Variants in TK2 observed in about 807,000 individuals in gnomAD.
The protein encoded by TK2 is thymidine kinase 2.
Under a neutral mutation model 41.9 loss-of-function variants are expected in TK2, and 35 were observed. The observed-to-expected ratio is 0.84, with a 90% CI of 0.64 to 1.11. The LOEUF (loss-of-function observed/expected upper bound fraction) is 1.11. Ranked by LOEUF, TK2 falls within the 50% of genes least tolerant of loss-of-function variation. TK2 has a pLI of 0.00. For missense variants in TK2, 320 were observed against 351.1 expected (o/e 0.91, Z 0.71); for synonymous variants, 128 against 129.1 (o/e 0.99, Z 0.06).
intron 2 of TK2, 143 bp downstream of exon 2, chr16:66,548,835 G>T: frequency 2.5e-6 from 2 of 801,470 alleles, no homozygotes; most frequent in South Asian, 3.1e-5. Context: ...CTAGGAGGGT[G>T]ACAGACTTCC....
At chr16:66,518,156 C>A in intron 6 of TK2, 1 of 460,794 alleles carries the variant, frequency 2.2e-6, no homozygotes, top group Non-Finnish European at 4.0e-6. Context: ...GAGAAAGGGA[C>A]TTTAAAGCTT....
intron 6 of TK2, among the ~76,000 whole-genome samples, chr16:66,527,664 C>A (rs1964975628): frequency 6.6e-6 from 1 of 152,158 alleles, no homozygotes; most frequent in Non-Finnish European, 1.5e-5. Flanking sequence ...TTTTGTAGGT[C>A]ATAATTGGTT....
rs34931863 is a variant in TK2, at chr16:66,510,210, CAA to C, written c.*1756_*1757del. The C allele has an allele frequency of 7.4e-3, 661 of 89,576 alleles. 2 individuals carry two copies. Among genetic ancestry groups the C allele is most frequent in the Non-Finnish European group, 0.01 (467 of 46,010 alleles). 5.5% of individuals were successfully genotyped at this position (89,576 alleles called of 1,614,324 possible). ...GGACCTCTTGAGATTGTGCCTTAGGCAAAAAAAAAAAAAAAAAAAGAGAGAGA... is the reference window on the plus strand; with the variant it reads ...GGACCTCTTGAGATTGTGCCTTAGGCAAAAAAAAAAAAAAAAAGAGAGAGA... On this transcript the variant is annotated 3_prime_UTR_variant, in exon 10 of 10. Transcript: ENST00000544898.
In TK2 at chr16:66,517,750, A is replaced by C; in HGVS notation, c.538+39T>G. 1.3e-6 allele frequency: 2 copies of C among 1,594,888 alleles called. No individual in the cohort carries two copies. Among genetic ancestry groups the C allele is most frequent in the Non-Finnish European group, 1.7e-6 (2 of 1,162,472 alleles). On this transcript the variant is annotated intron_variant, in intron 7 of 9. Coordinates refer to ENST00000544898, the MANE Select transcript of TK2 (RefSeq NM_004614.5). This position sits in a 1 kb window ranked among gnomAD's most constrained non-coding sequence, Gnocchi z 4.3. ...CAAGCACATCCTCAAGGGACCCAGG[A>C]GAGAGACAAGAGAGGGAGGTGGGAG...
intron 3 of TK2, among the ~76,000 whole-genome samples, chr16:66,540,517 G>A (rs1382281393): frequency 6.6e-6 from 1 of 152,142 alleles, no homozygotes; most frequent in East Asian, 1.9e-4. Context: ...AGGAAGGGAA[G>A]AAGGAAAGAA....
At chr16:66,515,917 G>C (rs1227034273) in intron 8 of TK2, among the ~76,000 whole-genome samples, 1 of 152,196 alleles carries the variant, frequency 6.6e-6, no homozygotes, top group Non-Finnish European at 1.5e-5. Context: ...CCCCAGTCCA[G>C]CCTATCCTGA....
At chr16:66,531,513 G>A (rs1335325074) in intron 4 of TK2, 44 bp from the exon 5 acceptor site, 3 of 1,586,592 alleles carry the variant, frequency 1.9e-6, no homozygotes, top group Non-Finnish European at 2.6e-6. Context: ...AGTGGCATCT[G>A]CAGGAGGACC....
chr16:66,537,656 A>C (rs1382190317), intron 3 of TK2, among the ~76,000 whole-genome samples: 1 of 152,218 alleles, frequency 6.6e-6, no homozygotes, highest in Non-Finnish European at 1.5e-5. Flanking sequence ...TAGAGCCTCC[A>C]TCTGTGGTCT....
Position 66,537,026 on chromosome 16 carries a change from A to G in TK2, c.232-9T>C. 1 of 1,614,114 alleles carries G rather than the reference A, an allele frequency of 6.2e-7. No homozygotes were observed. Among genetic ancestry groups the G allele is most frequent in the Non-Finnish European group, 8.5e-7 (1 of 1,180,002 alleles). On this transcript the variant is annotated splice_polypyrimidine_tract_variant and intron_variant, in intron 3 of 9. Coordinates refer to ENST00000544898, the MANE Select transcript of TK2 (RefSeq NM_004614.5). ...ACAGGCTCCGTTAACACCTGGAAGG[A>G]AAGAAAACATCAGAGCTACTGTTTC...
chr16:66,517,786 C>G lies in TK2; in HGVS notation c.538+3G>C. 2 of 1,613,856 alleles carry G rather than the reference C, an allele frequency of 1.2e-6. No homozygotes were observed. Among genetic ancestry groups the G allele is most frequent in the Non-Finnish European group, 1.7e-6 (2 of 1,179,802 alleles). The stretch of plus-strand genomic sequence containing the variant: ...AGAGGGAGGTGGGAGGGGTGCATCT[C>G]ACCTATCAAATCAACAGACACGTCC... On this transcript the variant is annotated splice_donor_region_variant and intron_variant, in intron 7 of 9. Coordinates refer to ENST00000544898, the MANE Select transcript of TK2 (RefSeq NM_004614.5). This position sits in a 1 kb window ranked among gnomAD's most constrained non-coding sequence, Gnocchi z 4.3.
intron 6 of TK2, among the ~76,000 whole-genome samples, chr16:66,527,977 A>G (rs1964986162): frequency 1.3e-5 from 2 of 151,836 alleles, no homozygotes; most frequent in East Asian, 3.9e-4. Flanking sequence ...GGTTGCAGTG[A>G]GCTGAGATCG....
At chr16:66,512,277 C>T (rs1597072364) in intron 9 of TK2, among the ~76,000 whole-genome samples, 1 of 152,196 alleles carries the variant, frequency 6.6e-6, no homozygotes, top group South Asian at 2.1e-4. Flanking sequence ...GAATGTACTA[C>T]AAGAGCTAGG....
chr16:66,517,814 G>C lies in TK2; in HGVS notation c.513C>G (p.Asn171Lys), dbSNP rs546437597. 6.2e-7 allele frequency: 1 copy of C among 1,614,126 alleles called. No homozygotes were observed. The highest frequency in any genetic ancestry group is 8.5e-7 in the Non-Finnish European group (1 of 1,179,998). ...CTATCAAATCAACAGACACGTCCAT[G>C]TTCCTCAAGATCCAGTCAAACCATT... ...LSEWFDWILR[N>K]MDVSVDLIVY... The change falls in exon 7 of 10, where the codon AAC (asparagine) becomes AAG (lysine). Residue 171 changes from asparagine (N) to lysine (K), a missense_variant. By Grantham distance (94) the Asn-to-Lys change is moderately conservative (BLOSUM62 0). Coordinates refer to ENST00000544898, the MANE Select transcript of TK2 (RefSeq NM_004614.5). This position sits in a 1 kb window ranked among gnomAD's most constrained non-coding sequence, Gnocchi z 4.3.
intron 8 of TK2, among the ~76,000 whole-genome samples, chr16:66,515,543 AGG>A (rs1334076450): frequency 6.6e-6 from 1 of 152,242 alleles, no homozygotes; most frequent in Non-Finnish European, 1.5e-5. Context: ...GCCATCCCAG[AGG>A]CTCGCGTGTC....
At position 66,536,992 on chromosome 16, in the gene TK2, C is replaced by T; in HGVS notation, c.257G>A (p.Trp86Ter). ...AGGATTGTGGCCACGGACATTTCTC[C>T]ACTTGGACACAGGCTCCGTTAACAC... Reference protein sequence around the residue: ...VEVLTEPVSKWRNVRGHNPLG... With the variant: ...VEVLTEPVSK The change falls in exon 4 of 10, where the codon TGG becomes TAG. Residue 86 changes from tryptophan (W) to a stop codon, truncating the protein, a stop_gained. Coordinates refer to ENST00000544898, the MANE Select transcript of TK2 (RefSeq NM_004614.5). LOFTEE classifies it high-confidence loss of function. The T allele has an allele frequency of 6.2e-7, 1 of 1,614,100 alleles. No homozygotes were observed. Among genetic ancestry groups the T allele is most frequent in the Non-Finnish European group, 8.5e-7 (1 of 1,180,012 alleles).
Position 66,514,380 on chromosome 16 carries a change from C to T in TK2, c.619-569G>A, listed in dbSNP as rs1050724168. On this transcript the variant is annotated intron_variant, in intron 8 of 9. Transcript: ENST00000544898. This position sits in a 1 kb window ranked among gnomAD's most constrained non-coding sequence, Gnocchi z 4.2. ...GAGTGATCCGCCAGCCTCGGCCTCC[C>T]GAGGTGCCGGGATTGCAGACGGAGT... is the stretch of plus-strand genomic sequence containing the variant. Among the ~76,000 whole-genome samples, 4 of 152,242 alleles carry T rather than the reference C, an allele frequency of 2.6e-5. No individual in the cohort carries two copies. Among genetic ancestry groups the T allele is most frequent in the East Asian group, 3.9e-4 (2 of 5,190 alleles).
intron 8 of TK2, among the ~76,000 whole-genome samples, chr16:66,516,034 A>G (rs1252100937): frequency 6.6e-6 from 1 of 152,174 alleles, no homozygotes; most frequent in African/African-American, 2.4e-5. Context: ...AGCAACTACT[A>G]GGCACCAGGC....
At position 66,512,079 on chromosome 16, in the gene TK2, C is replaced by G. The variant is rs16956600; in HGVS notation, c.700-13G>C. 11 of 1,610,934 alleles carry G rather than the reference C, an allele frequency of 6.8e-6. No homozygotes were observed. In the East Asian group the frequency reaches 1.6e-4, roughly 23 times the overall value. ...CAGCCTCAATCACCTGGAAATTAGA[C>G]ACATGGGTCACAAGGCTGCACTGAC... On this transcript the variant is annotated splice_polypyrimidine_tract_variant and intron_variant, in intron 9 of 9. Coordinates refer to ENST00000544898, the MANE Select transcript of TK2 (RefSeq NM_004614.5).
intron 2 of TK2, among the ~76,000 whole-genome samples, chr16:66,544,631 T>C (rs146023488): frequency 6.6e-6 from 1 of 152,210 alleles, no homozygotes; most frequent in Non-Finnish European, 1.5e-5. Flanking sequence ...CCCAACACTC[T>C]GTGATTACGC....
Sources: allele counts gnomAD v4.1 joint callset (sites outside exome capture counted in the v4.1 genomes callset), GRCh38; gene constraint gnomAD v4.1.1; non-coding constraint Gnocchi (gnomAD v3.1); transcripts MANE v1.5; gene names NCBI Gene and HGNC (gene_info 2026-07-23, HGNC 2026-07-21).